UNC13B: variants seen among roughly 807,000 people sequenced by gnomAD.
The protein encoded by UNC13B is protein unc-13 homolog B.
A neutral mutation model predicts 211.0 loss-of-function variants in UNC13B; 144 were observed. The ratio of observed to expected loss-of-function variants is 0.68; its 90% CI spans 0.60 to 0.78. The LOEUF (loss-of-function observed/expected upper bound fraction) is 0.78, where lower values mean the gene tolerates loss of function less well. Among genes scored for constraint, UNC13B ranks in the 30% least tolerant of loss-of-function variants. The pLI is 0.00. For missense variants in UNC13B, 1,777 were observed against 2,002.0 expected, an observed-to-expected ratio of 0.89 and a Z score of 2.14; for synonymous variants, 709 against 725.8, an observed-to-expected ratio of 0.98 and a Z score of 0.37.
At chr9:35,355,804 T>A (rs1289291036) in intron 11 of UNC13B, among the ~76,000 whole-genome samples, 1 of 152,136 alleles carries the variant, frequency 6.6e-6, no homozygotes, top group South Asian at 2.1e-4. Flanking sequence ...TCCCAGGCAA[T>A]GAGAAATTAT....
intron 17 of UNC13B, 33 bp from the exon 18 acceptor site, chr9:35,380,437 G>T (rs1235583488): frequency 1.9e-6 from 3 of 1,609,168 alleles, no homozygotes; most frequent in Admixed American, 3.3e-5. Context: ...TACTGGGTCT[G>T]CCCCTAACAG....
At chr9:35,308,985 A>G (rs1830055011) in intron 9 of UNC13B, among the ~76,000 whole-genome samples, 2 of 152,278 alleles carry the variant, frequency 1.3e-5, no homozygotes, top group South Asian at 4.1e-4. Flanking sequence ...AGTTTCTTCC[A>G]TGGTATCATC....
intron 26 of UNC13B, among the ~76,000 whole-genome samples, chr9:35,393,859 A>G (rs924807493): frequency 1.3e-5 from 2 of 151,798 alleles, no homozygotes; most frequent in Non-Finnish European, 2.9e-5. Flanking sequence ...GTGTGAGCCA[A>G]TGCATCCAGC....
At position 35,399,411 on chromosome 9, in the gene UNC13B, C is replaced by G. The variant is rs1836130157; in HGVS notation, c.12218C>G (p.Thr4073Ser). 1 of 1,614,036 alleles carries G rather than the reference C, an allele frequency of 6.2e-7. No homozygotes were observed. The highest frequency in any genetic ancestry group is 8.5e-7 in the Non-Finnish European group (1 of 1,180,034). ...GCCCAGGGCACCCAGCTGATCTTCACTGCTGCCAAGGAGCTGAGCCATCTT... is the reference window on the plus strand; with the variant it reads ...GCCCAGGGCACCCAGCTGATCTTCAGTGCTGCCAAGGAGCTGAGCCATCTT... ...TDQTGTQLIF[T>S]AAKELSHLSK... Residue 4073 changes from threonine to serine, a missense_variant, in exon 35 of 40, where the codon ACT (threonine) becomes AGT (serine). Thr to Ser is a moderately conservative substitution (Grantham distance 58). Transcript: ENST00000635942.
chr9:35,256,223 T>C (rs1033309963), intron 6 of UNC13B, among the ~76,000 whole-genome samples: 7 of 152,290 alleles, frequency 4.6e-5, no homozygotes, highest in Non-Finnish European at 1.0e-4. Flanking sequence ...TTACCTTGAG[T>C]CTTTTTTGTT....
At chr9:35,268,983 A>G (rs1392058916) in intron 7 of UNC13B, among the ~76,000 whole-genome samples, 4 of 152,194 alleles carry the variant, frequency 2.6e-5, no homozygotes. Context: ...CTATACTTGC[A>G]CAATTCTGAC....
At chr9:35,342,136 A>G (rs1832038060) in intron 11 of UNC13B, 1 of 985,172 alleles carries the variant, frequency 1.0e-6, no homozygotes, top group Non-Finnish European at 1.2e-6. Flanking sequence ...TGCAACTGAG[A>G]ATATTAGCTC....
At chr9:35,180,236 A>AT (rs1821860324) in intron 1 of UNC13B, among the ~76,000 whole-genome samples, 2 of 152,036 alleles carry the variant, frequency 1.3e-5, no homozygotes, top group African/African-American at 4.8e-5. Flanking sequence ...TAGAGAGTAA[A>AT]TTTTATTGAT....
At chr9:35,403,051 A>G (rs539614768) in intron 37 of UNC13B, 116 bp from the exon 38 acceptor site, 6 of 783,818 alleles carry the variant, frequency 7.7e-6, no homozygotes, top group Non-Finnish European at 1.3e-5. Context: ...CTTACTTCCC[A>G]TGGTTACTGT....
At chr9:35,252,405 C>T (rs917084949) in intron 6 of UNC13B, among the ~76,000 whole-genome samples, 6 of 151,896 alleles carry the variant, frequency 4.0e-5, no homozygotes, top group East Asian at 1.9e-4. Flanking sequence ...CTGCAGTCTC[C>T]GCCTCCTGAG....
intron 1 of UNC13B, among the ~76,000 whole-genome samples, chr9:35,168,703 CTTTT>C (rs34612376): frequency 2.9e-5 from 4 of 135,844 alleles, no homozygotes; most frequent in Non-Finnish European, 1.6e-5. Flanking sequence ...GTATTACTTG[CTTTT>C]TTTTTTTTTT....
chr9:35,165,520 C>T (rs1320057305), intron 1 of UNC13B, among the ~76,000 whole-genome samples: 1 of 151,022 alleles, frequency 6.6e-6, no homozygotes, highest in Non-Finnish European at 1.5e-5. Context: ...CAGGTTCAAG[C>T]GATTCTCCTG....
At chr9:35,249,557 A>G (rs922154831) in intron 6 of UNC13B, among the ~76,000 whole-genome samples, 7 of 152,180 alleles carry the variant, frequency 4.6e-5, no homozygotes, top group Non-Finnish European at 1.0e-4. Context: ...CCTGGTGGTG[A>G]CAAAATCTCT....
At chr9:35,378,724 G>T (rs1223071149) in intron 17 of UNC13B, among the ~76,000 whole-genome samples, 1 of 152,090 alleles carries the variant, frequency 6.6e-6, no homozygotes, top group African/African-American at 2.4e-5. Flanking sequence ...CTACTTTACT[G>T]CTCAGTGACA....
intron 7 of UNC13B, among the ~76,000 whole-genome samples, chr9:35,280,017 C>G (rs960426056): frequency 6.6e-6 from 1 of 152,080 alleles, no homozygotes; most frequent in African/African-American, 2.4e-5. Flanking sequence ...GATAACTGGG[C>G]CTTTTGTTTA....
chr9:35,203,088 G>A (rs1165279851), intron 1 of UNC13B, among the ~76,000 whole-genome samples: 9 of 152,192 alleles, frequency 5.9e-5, no homozygotes, highest in Admixed American at 2.6e-4. Flanking sequence ...CACCATGCCC[G>A]GCCGGGTCTT....
intron 13 of UNC13B, 57 bp downstream of exon 13, chr9:35,370,453 G>GC (rs1259640340): frequency 6.6e-7 from 1 of 1,517,796 alleles, no homozygotes; most frequent in Non-Finnish European, 9.1e-7. Context: ...CCCCCATTGG[G>GC]CCTTGGCAAG....
Position 35,303,427 on chromosome 9 carries a change from AAAC to A in UNC13B, c.4027_4029del (p.Asn1343del), listed in dbSNP as rs1359317647. On this transcript the variant is annotated inframe_deletion, in exon 9 of 40. Coordinates refer to ENST00000635942, the MANE Select transcript of UNC13B (RefSeq NM_001371189.2). ...TAAATACCAACATTCTCAATAAATC[AAAC>A]AACTATCAGGCTTTTGAAGAGATGA... 51 of 398,660 alleles carry A rather than the reference AAAC, an allele frequency of 1.3e-4. 1 individual carries two copies. Among genetic ancestry groups the A allele is most frequent in the Non-Finnish European group, 2.7e-5 (6 of 225,848 alleles). 24.7% of individuals were successfully genotyped at this position (398,660 alleles called of 1,614,324 possible).
rs1207793651 is a variant in UNC13B at position 35,307,469 on chromosome 9, CA to C, written c.8067del (p.Asp2690ThrfsTer11). 5.0e-6 allele frequency: 2 copies of C among 398,944 alleles called. No individual in the cohort carries two copies. The highest frequency in any genetic ancestry group is 8.8e-6 in the Non-Finnish European group (2 of 226,108). The allele number at this position is 398,944 out of a possible 1,614,324, so 24.7% of individuals were successfully genotyped here. Reference protein sequence around the residue: ...EPAIQTASTNQDLLELHPASS... With the variant: ...EPAIQTASTNXDLLELHPASS... ...AGCTATTCAAACTGCCTCCACAAAC[CA>C]AGACTTACTGGAGCTGCATCCAGCC... is the stretch of plus-strand genomic sequence containing the variant. On this transcript the variant is annotated frameshift_variant, in exon 9 of 40. Coordinates refer to ENST00000635942, the MANE Select transcript of UNC13B (RefSeq NM_001371189.2). LOFTEE classifies it high-confidence loss of function.
Sources: allele counts gnomAD v4.1 joint callset (sites outside exome capture counted in the v4.1 genomes callset), GRCh38; gene constraint gnomAD v4.1.1; transcripts MANE v1.5; gene names NCBI Gene and HGNC (gene_info 2026-07-23, HGNC 2026-07-21).